Variants in ACOT1 observed in about 807,000 individuals in gnomAD.
The protein encoded by ACOT1 is acyl-coenzyme A thioesterase 1.
A neutral mutation model predicts 15.7 loss-of-function variants in ACOT1; 8 were observed. That is an observed-to-expected ratio of 0.51 (90% CI 0.30 to 0.92). ACOT1 has a LOEUF of 0.92. Ranked by LOEUF, ACOT1 falls within the 40% of genes least tolerant of loss-of-function variation. The pLI is 0.06. For synonymous variants in ACOT1, 67 were observed against 241.2 expected, an observed-to-expected ratio of 0.28 and a Z score of 6.69; for missense variants, 151 against 539.4, an observed-to-expected ratio of 0.28 and a Z score of 7.13.
the ACOT1 span, chr14:73,503,115 A>T: frequency 2.2e-6 from 2 of 904,544 alleles, no homozygotes; most frequent in Non-Finnish European, 3.6e-6. Context: ...TCACTGTACT[A>T]ATGAGGATTG....
At chr14:73,510,740 C>T in the ACOT1 span, among the ~76,000 whole-genome samples, 1 of 152,156 alleles carries the variant, frequency 6.6e-6, no homozygotes, top group Non-Finnish European at 1.5e-5. Context: ...CTGGCTTTGG[C>T]TGCAGTTCTT....
At position 73,541,640 on chromosome 14, in the gene ACOT1, C is replaced by T. The variant is rs778418921; in HGVS notation, c.605C>T (p.Thr202Met). Residue 202 changes from threonine (T) to methionine (M), a missense_variant, in exon 2 of 3, where the codon ACG becomes ATG. Physicochemically the swap from Thr to Met is moderately conservative, Grantham distance 81 (BLOSUM62 -1). Transcript: ENST00000311148. ...GAAGACCTCCCCAAGACCATGGAGA[C>T]GCTCCATCTGGAGTACTTTGAAGAA... ...NYEDLPKTME[T>M]LHLEYFEEAV... The T allele has an allele frequency of 9.3e-5, 115 of 1,242,294 alleles. 41 individuals are homozygous for T. The highest frequency in any genetic ancestry group is 8.2e-5 in the South Asian group (6 of 72,874). 77.0% of individuals were successfully genotyped at this position (1,242,294 alleles called of 1,614,324 possible). A position where few individuals can be genotyped will look rare whatever the true frequency, so the allele number is the denominator to read the frequency against.
the ACOT1 span, chr14:73,509,420 G>A: frequency 1.9e-6 from 3 of 1,613,982 alleles, no homozygotes; most frequent in Non-Finnish European, 2.5e-6. Context: ...TTGTCACAAA[G>A]AGCAGCCTCT....
the ACOT1 span, chr14:73,528,909 GACTTATT>G: frequency 6.6e-6 from 1 of 152,106 alleles, no homozygotes; most frequent in African/African-American, 2.4e-5. Flanking sequence ...AGGAAGAAAG[GACTTATT>G]AATGGAGTTT....
the ACOT1 span, among the ~76,000 whole-genome samples, chr14:73,519,574 GTC>G: frequency 6.6e-6 from 1 of 151,800 alleles, no homozygotes; most frequent in Non-Finnish European, 1.5e-5. Context: ...TAAGACCCCC[GTC>G]TCTACAAAAA....
At chr14:73,510,582 C>T in the ACOT1 span, among the ~76,000 whole-genome samples, 1 of 152,024 alleles carries the variant, frequency 6.6e-6, no homozygotes, top group Non-Finnish European at 1.5e-5. Context: ...ACTACAGGCA[C>T]CTGTCACCAC....
At chr14:73,525,539 T>C in the ACOT1 span, among the ~76,000 whole-genome samples, 1 of 152,170 alleles carries the variant, frequency 6.6e-6, no homozygotes, top group South Asian at 2.1e-4. Flanking sequence ...TGTTTTCTCC[T>C]GAAACAGTGG....
the ACOT1 span, among the ~76,000 whole-genome samples, chr14:73,525,435 A>G: frequency 1.3e-5 from 2 of 152,222 alleles, no homozygotes; most frequent in Admixed American, 1.3e-4. Context: ...CTTTTTGCAC[A>G]TAAGGCTAAA....
At chr14:73,498,787 A>G in the ACOT1 span, among the ~76,000 whole-genome samples, 1 of 152,234 alleles carries the variant, frequency 6.6e-6, no homozygotes, top group African/African-American at 2.4e-5. Context: ...AGCAAGATGC[A>G]TCCAGCACTG....
chr14:73,492,839 G>A, the ACOT1 span: 1 of 1,613,940 alleles, frequency 6.2e-7, no homozygotes, highest in South Asian at 1.1e-5. The surrounding 1 kb of genome is among the most constrained non-coding windows in gnomAD (Gnocchi z 4.9). Context: ...GTTTGTGAGA[G>A]TGGGGGACCT....
At chr14:73,532,624 A>C (rs1295606185), upstream of ACOT1, among the ~76,000 whole-genome samples, 14 of 115,388 alleles carry the variant, frequency 1.2e-4, 6 homozygotes, top group East Asian at 4.1e-3. Context: ...TGGTTGGACC[A>C]CCATAAAAGA....
chr14:73,502,743 T>G, the ACOT1 span: 1 of 659,974 alleles, frequency 1.5e-6, no homozygotes, highest in Non-Finnish European at 2.7e-6. Flanking sequence ...AAGACAGGGT[T>G]TTACTGTGTT....
At chr14:73,518,541 A>G in the ACOT1 span, among the ~76,000 whole-genome samples, 1 of 152,278 alleles carries the variant, frequency 6.6e-6, no homozygotes, top group Admixed American at 6.5e-5. Flanking sequence ...ATTTTGTTTC[A>G]TAAGCTAATT....
At chr14:73,515,080 A>C in the ACOT1 span, among the ~76,000 whole-genome samples, 23 of 146,874 alleles carry the variant, frequency 1.6e-4, no homozygotes, top group Admixed American at 2.7e-4. Flanking sequence ...AAAAAAAAAA[A>C]CAAAAAAAAA....
At chr14:73,495,325 C>T in the ACOT1 span, 2 of 1,614,026 alleles carry the variant, frequency 1.2e-6, no homozygotes, top group Non-Finnish European at 1.7e-6. Context: ...TCACTTTTCC[C>T]ATGACCATCT....
the ACOT1 span, chr14:73,520,025 C>T: frequency 6.6e-6 from 1 of 152,136 alleles, no homozygotes; most frequent in Non-Finnish European, 1.5e-5. Flanking sequence ...ACCTATGTAA[C>T]CACTTAGAGG....
the ACOT1 span, among the ~76,000 whole-genome samples, chr14:73,505,062 C>G: frequency 1.3e-5 from 2 of 151,958 alleles, no homozygotes; most frequent in African/African-American, 2.4e-5. Context: ...CTCCAAGTAG[C>G]TGGGATGACA....
At chr14:73,504,298 AG>A in the ACOT1 span, among the ~76,000 whole-genome samples, 1 of 150,386 alleles carries the variant, frequency 6.6e-6, no homozygotes, top group Admixed American at 6.6e-5. Flanking sequence ...GCTGGGGCGC[AG>A]TGGTGCGATC....
the ACOT1 span, chr14:73,509,297 CAG>C: frequency 3.1e-6 from 5 of 1,611,726 alleles, no homozygotes; most frequent in East Asian, 6.7e-5. Context: ...TCAGAAGTAA[CAG>C]GGAGTTACTC....
Sources: allele counts gnomAD v4.1 joint callset (sites outside exome capture counted in the v4.1 genomes callset), GRCh38; gene constraint gnomAD v4.1.1; non-coding constraint Gnocchi (gnomAD v3.1); transcripts MANE v1.5; gene names NCBI Gene and HGNC (gene_info 2026-07-23, HGNC 2026-07-21).